CACNA1E: variants seen among roughly 807,000 people sequenced by gnomAD.
CACNA1E encodes voltage-dependent R-type calcium channel subunit alpha-1E.
A neutral mutation model predicts 259.2 loss-of-function variants in CACNA1E; 40 were observed. That is an observed-to-expected ratio of 0.15 (90% CI 0.12 to 0.20). The LOEUF (loss-of-function observed/expected upper bound fraction) is 0.20. Among genes scored for constraint, CACNA1E ranks in the 10% least tolerant of loss-of-function variants. CACNA1E has a pLI of 1.00. For synonymous variants in CACNA1E, 1,104 were observed against 1,138.5 expected (o/e 0.97, Z 0.61); for missense variants, 1,874 against 3,040.1 (o/e 0.62, Z 9.02).
intron 32 of CACNA1E, among the ~76,000 whole-genome samples, chr1:181,762,051 T>A (rs1362819322): frequency 2.6e-5 from 4 of 152,240 alleles, no homozygotes; most frequent in Non-Finnish European, 5.9e-5. Context: ...TTCAGTCACT[T>A]ATGACTTGTG....
chr1:181,459,409 G>A (rs185831374), intron 2 of CACNA1E, among the ~76,000 whole-genome samples: 1 of 152,344 alleles, frequency 6.6e-6, no homozygotes, highest in African/African-American at 2.4e-5. Context: ...CTTGCTTGTT[G>A]TTGTGTCTAG....
intron 3 of CACNA1E, among the ~76,000 whole-genome samples, chr1:181,525,361 G>A (rs1242030053): frequency 6.6e-6 from 1 of 152,248 alleles, no homozygotes; most frequent in Non-Finnish European, 1.5e-5. Context: ...ACATGCTGGT[G>A]TAACTAGCCA....
intron 6 of CACNA1E, among the ~76,000 whole-genome samples, chr1:181,588,634 A>G (rs1394795501): frequency 1.3e-5 from 2 of 152,190 alleles, no homozygotes; most frequent in Admixed American, 1.3e-4. Flanking sequence ...ATTTCACACC[A>G]CGAACCAGGC....
At position 181,739,811 on chromosome 1, in the gene CACNA1E, T is replaced by G. The variant is rs372757424; in HGVS notation, c.3719+558T>G. Reference sequence around the variant, plus strand: ...CCAAAAGGAAAGGCTTTCCAAACTTTCCTTGATAACATACCTAGGAAAACA... The same window carrying G: ...CCAAAAGGAAAGGCTTTCCAAACTTGCCTTGATAACATACCTAGGAAAACA... On this transcript the variant is annotated intron_variant, in intron 25 of 47. Transcript: ENST00000367573. 7.9e-5 allele frequency among the ~76,000 whole-genome samples: 12 copies of G among 152,270 alleles called. 1 individual carries two copies. The East Asian group carries it at 1.7e-3, about 22-fold the overall frequency.
chr1:181,720,166 A>T (rs1654292650), intron 13 of CACNA1E, 40 bp from the exon 14 acceptor site: 2 of 1,612,330 alleles, frequency 1.2e-6, no homozygotes, highest in African/African-American at 2.7e-5. Context: ...GTGACTTGGT[A>T]TGCAGTGTTC....
At chr1:181,546,191 G>T (rs1267227121) in intron 3 of CACNA1E, among the ~76,000 whole-genome samples, 1 of 152,156 alleles carries the variant, frequency 6.6e-6, no homozygotes, top group Non-Finnish European at 1.5e-5. Flanking sequence ...CAGTTGGGAA[G>T]CCTGGCAGCG....
rs117451009 is a variant in CACNA1E at position 181,546,156 on chromosome 1, G to A, written c.513-31610G>A. Among the ~76,000 whole-genome samples, 15 of 152,222 alleles carry A rather than the reference G, an allele frequency of 9.9e-5. No individual in the cohort carries two copies. The East Asian group carries it at 1.6e-3, about 16-fold the overall frequency. Reference sequence around the variant, plus strand: ...TTTGGAAGGGGATGTGTGCCAGGTCGTCAAGTTTCACAGCAGTCTCAGGCC... The same window carrying A: ...TTTGGAAGGGGATGTGTGCCAGGTCATCAAGTTTCACAGCAGTCTCAGGCC... On this transcript the variant is annotated intron_variant, in intron 3 of 47. Coordinates refer to ENST00000367573, the MANE Select transcript of CACNA1E (RefSeq NM_001205293.3).
intron 6 of CACNA1E, among the ~76,000 whole-genome samples, chr1:181,595,130 T>C (rs1653033627): frequency 1.3e-5 from 2 of 152,352 alleles, no homozygotes; most frequent in South Asian, 2.1e-4. Flanking sequence ...GTTTTCTTGA[T>C]ATGAAACAAA....
chr1:181,782,457 A>C (rs1174436891), intron 39 of CACNA1E, among the ~76,000 whole-genome samples: 1 of 152,248 alleles, frequency 6.6e-6, no homozygotes, highest in East Asian at 1.9e-4. Flanking sequence ...ACCTAGGAAC[A>C]CATCATAGTA....
chr1:181,344,760 T>C (rs1038132521), intron 1 of CACNA1E, among the ~76,000 whole-genome samples: 1 of 152,210 alleles, frequency 6.6e-6, no homozygotes, highest in Non-Finnish European at 1.5e-5. Context: ...GAGGGCCCTT[T>C]CTTGGCTGAT....
At chr1:181,420,180 G>A (rs1317238911) in intron 2 of CACNA1E, among the ~76,000 whole-genome samples, 1 of 152,116 alleles carries the variant, frequency 6.6e-6, no homozygotes, top group Non-Finnish European at 1.5e-5. Flanking sequence ...CAGGACCCTG[G>A]TGATAGTGAA....
intron 6 of CACNA1E, among the ~76,000 whole-genome samples, chr1:181,622,226 G>A (rs1308703436): frequency 6.6e-6 from 1 of 152,142 alleles, no homozygotes; most frequent in Admixed American, 6.5e-5. Flanking sequence ...CTTCCCCTGC[G>A]AGTCTTCTGT....
At chr1:181,739,754 C>A (rs138681846) in intron 25 of CACNA1E, among the ~76,000 whole-genome samples, 168 of 152,288 alleles carry the variant, frequency 1.1e-3, no homozygotes, top group African/African-American at 3.9e-3. Context: ...CAGAACCATG[C>A]TTTTGCACAA....
intron 2 of CACNA1E, among the ~76,000 whole-genome samples, chr1:181,471,590 T>C (rs2102413753): frequency 6.6e-6 from 1 of 152,312 alleles, no homozygotes; most frequent in Admixed American, 6.5e-5. Context: ...TTTCTTTCCC[T>C]TTTCTCCCAA....
intron 37 of CACNA1E, among the ~76,000 whole-genome samples, chr1:181,773,014 C>T (rs1659657942): frequency 1.3e-5 from 2 of 152,314 alleles, no homozygotes; most frequent in South Asian, 4.1e-4. Flanking sequence ...TGTTTCTGGT[C>T]ACTCTGAAAT....
At chr1:181,421,721 G>A (rs918766744) in intron 2 of CACNA1E, among the ~76,000 whole-genome samples, 2 of 152,002 alleles carry the variant, frequency 1.3e-5, no homozygotes, top group African/African-American at 2.4e-5. Flanking sequence ...CTGATCAGTG[G>A]TAAGCCCTGT....
intron 6 of CACNA1E, among the ~76,000 whole-genome samples, chr1:181,600,185 G>A (rs1442193020): frequency 6.6e-6 from 1 of 152,186 alleles, no homozygotes; most frequent in Non-Finnish European, 1.5e-5. Flanking sequence ...AGCAAGTGCA[G>A]GGACCCAAAG....
rs987399280 is a variant in CACNA1E, at chr1:181,790,909, A to C, written c.5898+353A>C. On this transcript the variant is annotated intron_variant, in intron 44 of 47. Transcript: ENST00000367573. ...AAGATGCATCACCAGAGAATGAGTG[A>C]CACCAACCCTGCCTCTTAGTGTAGT... is the stretch of plus-strand genomic sequence containing the variant. Among the ~76,000 whole-genome samples, 3 of 152,222 alleles carry C rather than the reference A, an allele frequency of 2.0e-5. No individual in the cohort carries two copies. In the East Asian group the frequency reaches 5.8e-4, roughly 29 times the overall value.
At chr1:181,346,075 C>G (rs1448036121) in intron 1 of CACNA1E, among the ~76,000 whole-genome samples, 2 of 152,194 alleles carry the variant, frequency 1.3e-5, no homozygotes, top group East Asian at 3.9e-4. Context: ...GACCCCTGCA[C>G]AGCTGAAGGG....
Sources: allele counts gnomAD v4.1 joint callset (sites outside exome capture counted in the v4.1 genomes callset), GRCh38; gene constraint gnomAD v4.1.1; transcripts MANE v1.5; gene names NCBI Gene and HGNC (gene_info 2026-07-23, HGNC 2026-07-21).